Variants in BMP5 observed in about 807,000 individuals in gnomAD.
BMP5 encodes the protein bone morphogenetic protein 5.
BMP5 carries 23 observed loss-of-function variants against 46.6 expected under a neutral mutation model. The observed-to-expected ratio is 0.49, with a 90% CI of 0.35 to 0.70. BMP5 has a LOEUF of 0.70. Ranked by LOEUF, BMP5 falls within the 30% of genes least tolerant of loss-of-function variation. The probability of loss-of-function intolerance (pLI) is 0.00; values close to 1 mark genes in which losing one functional copy is unlikely to be tolerated. For missense variants in BMP5, 545 were observed against 565.6 expected (o/e 0.96, Z 0.37); for synonymous variants, 204 against 191.9 (o/e 1.06, Z -0.52).
At chr6:55,816,418 T>C (rs2127537296) in intron 2 of BMP5, among the ~76,000 whole-genome samples, 1 of 152,252 alleles carries the variant, frequency 6.6e-6, no homozygotes, top group East Asian at 1.9e-4. Context: ...AATATTATTT[T>C]CAACTCTTCT....
intron 1 of BMP5, among the ~76,000 whole-genome samples, chr6:55,841,916 CAGAGAGAG>C (rs143400522): frequency 3.4e-5 from 5 of 146,926 alleles, no homozygotes; most frequent in East Asian, 4.0e-4. Flanking sequence ...GAGAGAGAGA[CAGAGAGAG>C]AGAGAGAGAG....
chr6:55,854,289 T>C (rs983971146), intron 1 of BMP5, among the ~76,000 whole-genome samples: 2 of 152,096 alleles, frequency 1.3e-5, no homozygotes, highest in Admixed American at 1.3e-4. Context: ...TATATAAAGA[T>C]CATTTTGATA....
intron 1 of BMP5, among the ~76,000 whole-genome samples, chr6:55,830,449 T>C (rs1354864996): frequency 1.3e-5 from 2 of 152,094 alleles, no homozygotes; most frequent in African/African-American, 4.8e-5. Flanking sequence ...CAGAGCAAAA[T>C]TCAGCTACGC....
intron 2 of BMP5, among the ~76,000 whole-genome samples, chr6:55,814,571 G>C (rs772602920): frequency 5.3e-5 from 8 of 152,012 alleles, no homozygotes; most frequent in Non-Finnish European, 1.0e-4. Flanking sequence ...ATTATTTTCT[G>C]TGGTGACTTT....
chr6:55,842,450 A>C (rs1776985182), intron 1 of BMP5, among the ~76,000 whole-genome samples: 1 of 152,248 alleles, frequency 6.6e-6, no homozygotes, highest in South Asian at 2.1e-4. Context: ...CAGCCTACAC[A>C]TACAGAATGC....
At chr6:55,786,233 T>C (rs1775445727) in intron 3 of BMP5, among the ~76,000 whole-genome samples, 1 of 151,786 alleles carries the variant, frequency 6.6e-6, no homozygotes, top group South Asian at 2.1e-4. Context: ...TCTCTACATA[T>C]AGTGTTTTTT....
chr6:55,768,271 TA>T (rs1774965353), intron 4 of BMP5, among the ~76,000 whole-genome samples: 1 of 151,966 alleles, frequency 6.6e-6, no homozygotes, highest in Admixed American at 6.6e-5. Context: ...TTTTAGTAAC[TA>T]TGCATTTTAT....
intron 1 of BMP5, among the ~76,000 whole-genome samples, chr6:55,857,804 T>A (rs1777435117): frequency 6.6e-6 from 1 of 150,784 alleles, no homozygotes. Context: ...AATGGTGAGA[T>A]CTCGGCTCAC....
At chr6:55,860,479 C>T (rs949620706) in intron 1 of BMP5, among the ~76,000 whole-genome samples, 3 of 152,082 alleles carry the variant, frequency 2.0e-5, no homozygotes, top group African/African-American at 4.8e-5. Context: ...ATCTGACTTC[C>T]TAAGCATGTC....
intron 2 of BMP5, among the ~76,000 whole-genome samples, chr6:55,796,607 G>A (rs903449841): frequency 1.3e-5 from 2 of 151,092 alleles, no homozygotes; most frequent in Admixed American, 6.6e-5. Context: ...CTACCAACTC[G>A]TCATCTAGCA....
chr6:55,845,576 G>C (rs1320272595), intron 1 of BMP5, among the ~76,000 whole-genome samples: 3 of 151,898 alleles, frequency 2.0e-5, no homozygotes, highest in Admixed American at 6.6e-5. Flanking sequence ...ACATTGTACT[G>C]ACACTTTAAA....
At chr6:55,847,517 C>A (rs539954262) in intron 1 of BMP5, among the ~76,000 whole-genome samples, 1 of 151,754 alleles carries the variant, frequency 6.6e-6, no homozygotes, top group East Asian at 1.9e-4. Context: ...TACCGTTAGT[C>A]GTATTATTTA....
intron 3 of BMP5, among the ~76,000 whole-genome samples, chr6:55,784,440 AT>A (rs754788056): frequency 4.0e-5 from 6 of 151,828 alleles, no homozygotes; most frequent in Non-Finnish European, 7.4e-5. Context: ...ATCAATAACT[AT>A]AAAGAGAAAT....
intron 1 of BMP5, among the ~76,000 whole-genome samples, chr6:55,846,098 G>A (rs1582114369): frequency 6.6e-6 from 1 of 151,980 alleles, no homozygotes; most frequent in East Asian, 1.9e-4. Context: ...TCTTTGAATG[G>A]CCCACTAGAC....
chr6:55,822,749 A>C (rs1224326572), intron 1 of BMP5, among the ~76,000 whole-genome samples: 3 of 152,126 alleles, frequency 2.0e-5, no homozygotes, highest in Non-Finnish European at 4.4e-5. Flanking sequence ...TAGTGTAATA[A>C]AGTAGAAAGC....
intron 3 of BMP5, among the ~76,000 whole-genome samples, chr6:55,787,914 AT>A (rs978676052): frequency 7.9e-5 from 12 of 151,632 alleles, no homozygotes; most frequent in African/African-American, 2.9e-4. Context: ...TTTTTGGGAA[AT>A]ACCATTTACA....
chr6:55,790,190 T>A (rs1775542925), intron 3 of BMP5, among the ~76,000 whole-genome samples: 1 of 152,214 alleles, frequency 6.6e-6, no homozygotes, highest in South Asian at 2.1e-4. Flanking sequence ...CTATGTTACA[T>A]TAAACTGGTT....
chr6:55,786,929 ATAT>A lies in BMP5; in HGVS notation c.832+7347_832+7349del, dbSNP rs955845349. On this transcript the variant is annotated intron_variant, in intron 3 of 6. Transcript: ENST00000370830. Reference sequence around the variant, plus strand: ...GATAAGATTCAGATAAGAGAAGGAAATATTATCAAATCTTAGAATGTTTAAAAG... The same window carrying A: ...GATAAGATTCAGATAAGAGAAGGAAATATCAAATCTTAGAATGTTTAAAAG... Among the ~76,000 whole-genome samples, 173 of 151,754 alleles carry A rather than the reference ATAT, an allele frequency of 1.1e-3. 1 individual carries two copies. The highest frequency in any genetic ancestry group is 2.8e-3 in the African/African-American group (117 of 41,420).
At chr6:55,841,851 G>C (rs1379648504) in intron 1 of BMP5, among the ~76,000 whole-genome samples, 1 of 151,912 alleles carries the variant, frequency 6.6e-6, no homozygotes, top group African/African-American at 2.4e-5. Flanking sequence ...GAAGTACTGG[G>C]AGTTACAGCT....
Sources: gnomAD v4.1 joint callset for allele counts (sites outside exome capture counted in the v4.1 genomes callset) on GRCh38, gnomAD v4.1.1 for gene constraint, MANE v1.5 for transcripts, NCBI Gene and HGNC (gene_info 2026-07-23, HGNC 2026-07-21) for gene names.